Variants in AHCTF1 observed in about 807,000 individuals in gnomAD.
AHCTF1 encodes the protein AT-hook containing transcription factor 1.
AHCTF1 carries 24 observed loss-of-function variants against 248.4 expected under a neutral mutation model. The observed-to-expected ratio is 0.10, with a 90% confidence interval of 0.07 to 0.14. The LOEUF is 0.14. Ranked by LOEUF, AHCTF1 falls within the 10% of genes least tolerant of loss-of-function variation. The pLI, the probability that AHCTF1 is intolerant of heterozygous loss-of-function variation, is 1.00. For missense variants in AHCTF1, 2,206 were observed against 2,636.2 expected (o/e 0.84, Z 3.57); for synonymous variants, 786 against 929.8 (o/e 0.85, Z 2.81).
chr1:246,931,073 C>G (rs1050882995), intron 1 of AHCTF1: 19 of 1,542,154 alleles, frequency 1.2e-5, no homozygotes, highest in Non-Finnish European at 1.5e-5. Context: ...ATCGGGTGAG[C>G]TGGAACCTCA....
intron 26 of AHCTF1, among the ~76,000 whole-genome samples, chr1:246,865,103 A>C (rs1661872476): frequency 1.3e-5 from 2 of 152,316 alleles, no homozygotes; most frequent in Admixed American, 6.5e-5. Flanking sequence ...ATTTAAACTC[A>C]AAAGTCGGGT....
In AHCTF1 at chr1:246,913,316, C is replaced by T. The variant is rs1267299654; in HGVS notation, c.472G>A (p.Val158Met). ...AGGATCTGTCCAACATCAGTGACCA[C>T]AGCTGCCACTCCAAAAAGCCATCGC... ...SLRWLFGVAA[V>M]VTDVGQILLV... Residue 158 changes from valine to methionine, a missense_variant, in exon 4 of 36, where the codon GTG becomes ATG. Coordinates refer to ENST00000648844, the MANE Select transcript of AHCTF1 (RefSeq NM_001323342.2). 5.0e-6 allele frequency: 8 copies of T among 1,613,922 alleles called. No individual in the cohort carries two copies. The highest frequency in any genetic ancestry group is 1.3e-5 in the African/African-American group (1 of 74,920).
chr1:246,923,108 CAAAAAAAAAAAA>C (rs34474643), intron 1 of AHCTF1, among the ~76,000 whole-genome samples: 5 of 111,898 alleles, frequency 4.5e-5, no homozygotes. Context: ...CAAATAATAC[CAAAAAAAAAAAA>C]AAAAAAAAGA....
chr1:246,867,644 C>T lies in AHCTF1; in HGVS notation c.3239+17G>A, dbSNP rs557363641. On this transcript the variant is annotated intron_variant, in intron 25 of 35. Transcript: ENST00000648844. ...ATTAACAAGCAGCATGACTATGAAA[C>T]GTGTAAGAAAACATACCTATTGAAA... The T allele has an allele frequency of 1.9e-5, 30 of 1,608,590 alleles. No homozygotes were observed. Among genetic ancestry groups the T allele is most frequent in the Middle Eastern group, 2.2e-4 (1 of 4,500 alleles).
In AHCTF1 at chr1:246,905,624, A is replaced by G; in HGVS notation, c.798T>C (p.Pro266=). 1 of 1,613,198 alleles carries G rather than the reference A, an allele frequency of 6.2e-7. No individual in the cohort carries two copies. The highest frequency in any genetic ancestry group is 8.5e-7 in the Non-Finnish European group (1 of 1,179,820). ...GTTCTTGAAAAGTGACAGCATATAC[A>G]GGAACTTGTCCACTTTCCAATTGTA... ...YYIQLESGQV[P]VYAVTFQEPE... Residue 266 remains proline (P), a synonymous_variant, in exon 6 of 36, where the codon CCT becomes CCC. Coordinates refer to ENST00000648844, the MANE Select transcript of AHCTF1 (RefSeq NM_001323342.2).
At chr1:246,867,214 G>A (rs1662042436) in intron 26 of AHCTF1, 30 bp downstream of exon 26, 2 of 1,222,006 alleles carry the variant, frequency 1.6e-6, no homozygotes, top group Non-Finnish European at 1.2e-6. Context: ...CTAACATTGT[G>A]TCTCTAAGAA....
intron 28 of AHCTF1, among the ~76,000 whole-genome samples, chr1:246,861,712 G>C (rs930572776): frequency 2.6e-5 from 4 of 152,178 alleles, no homozygotes; most frequent in Non-Finnish European, 4.4e-5. Context: ...CATACATCTA[G>C]CTGACTACAG....
At chr1:246,875,944 A>G in intron 24 of AHCTF1, 93 bp downstream of exon 24, 1 of 1,255,036 alleles carries the variant, frequency 8.0e-7, no homozygotes. Context: ...TGTGTTAGCG[A>G]AAGTAGCTAA....
At chr1:246,886,258 G>A (rs1176944882) in intron 20 of AHCTF1, among the ~76,000 whole-genome samples, 1 of 152,132 alleles carries the variant, frequency 6.6e-6, no homozygotes, top group African/African-American at 2.4e-5. Context: ...TTGAACCCAG[G>A]AGGCACAGGC....
At chr1:246,931,221 G>C (rs1366255819) in intron 1 of AHCTF1, 1 of 1,550,152 alleles carries the variant, frequency 6.5e-7, no homozygotes, top group Non-Finnish European at 8.7e-7. Context: ...CCGCCAACGA[G>C]TCCATCGCGT....
At chr1:246,862,315 C>T (rs1425062250) in intron 27 of AHCTF1, among the ~76,000 whole-genome samples, 162 bp from the exon 28 acceptor site, 5 of 152,078 alleles carry the variant, frequency 3.3e-5, no homozygotes, top group Non-Finnish European at 5.9e-5. Flanking sequence ...CCCGTCTCTA[C>T]TAAAAATACA....
intron 3 of AHCTF1, among the ~76,000 whole-genome samples, chr1:246,914,630 A>T (rs987463053): frequency 2.6e-5 from 4 of 152,234 alleles, no homozygotes; most frequent in African/African-American, 9.6e-5. Flanking sequence ...AGTGATTAAT[A>T]CTATTACCTT....
In AHCTF1 at chr1:246,918,300, C is replaced by T. The variant is rs1185618444; in HGVS notation, c.71G>A (p.Gly24Glu). Residue 24 changes from glycine (G) to glutamate (E), a missense_variant, in exon 2 of 36, where the codon GGA (glycine) becomes GAA (glutamate). This residue lies in a region of AHCTF1 where 69 missense variants were observed against 85.4 expected (regional missense o/e 0.81). Transcript: ENST00000648844. ...AGATTCTAATGTTATTTCGTCTTCT[C>T]CAAGGGCTTGAAGAGTCACTTCTGG... is the stretch of plus-strand genomic sequence containing the variant. Reference protein sequence around the residue: ...PFPEVTLQALGEDEITLESVL... With the variant: ...PFPEVTLQALEEDEITLESVL... 3 of 1,612,548 alleles carry T rather than the reference C, an allele frequency of 1.9e-6. No individual in the cohort carries two copies. Among genetic ancestry groups the T allele is most frequent in the Non-Finnish European group, 2.5e-6 (3 of 1,179,732 alleles).
chr1:246,899,440 T>G lies in AHCTF1; in HGVS notation c.1494+11A>C. ...TTCAGTTCAATTAAGAAATCACTAG[T>G]TGTTACCTACCTCCTTCTGAAAGCC... On this transcript the variant is annotated intron_variant, in intron 11 of 35. Transcript: ENST00000648844. The G allele has an allele frequency of 6.3e-7, 1 of 1,597,266 alleles. No individual in the cohort carries two copies. Among genetic ancestry groups the G allele is most frequent in the East Asian group, 2.3e-5 (1 of 44,284 alleles).
chr1:246,851,263 T>C lies in AHCTF1; in HGVS notation c.4743A>G (p.Val1581=). The change falls in exon 33 of 36, where the codon GTA becomes GTG. Residue 1581 remains valine, a synonymous_variant. Coordinates refer to ENST00000648844, the MANE Select transcript of AHCTF1 (RefSeq NM_001323342.2). ...TTTGAGCCACAAAAAGTTCCCCATC[T>C]ACTTCAGCAATGTCACATTCAGCAG... The part of the protein sequence containing the change: ...KDTAECDIAE[V]DGELFVAQSN... 2 of 1,613,994 alleles carry C rather than the reference T, an allele frequency of 1.2e-6. No homozygotes were observed. Among genetic ancestry groups the C allele is most frequent in the Non-Finnish European group, 8.5e-7 (1 of 1,179,862 alleles).
chr1:246,877,181 A>T lies in AHCTF1; in HGVS notation c.2782T>A (p.Leu928Ile), dbSNP rs147355371. ...EMGLMEDLLK[L>I]PFTDTEQECL... Reference sequence around the variant, plus strand: ...ACCTGCTCAGTGTCTGTAAATGGTAACTTCAGTAAATCTTCCATCAAGCCC... The same window carrying T: ...ACCTGCTCAGTGTCTGTAAATGGTATCTTCAGTAAATCTTCCATCAAGCCC... Residue 928 changes from leucine (L) to isoleucine (I), a missense_variant, in exon 22 of 36, where the codon TTA (leucine) becomes ATA (isoleucine). Leu to Ile is a conservative substitution (Grantham distance 5). Around this residue, in one of 6 missense-constraint regions of AHCTF1, gnomAD observed 955 missense variants for 1,055.6 expected, o/e 0.90. Coordinates refer to ENST00000648844, the MANE Select transcript of AHCTF1 (RefSeq NM_001323342.2). 1 of 1,612,770 alleles carries T rather than the reference A, an allele frequency of 6.2e-7. No individual in the cohort carries two copies. Among genetic ancestry groups the T allele is most frequent in the South Asian group, 1.1e-5 (1 of 90,936 alleles).
chr1:246,914,451 A>G (rs191539806), intron 3 of AHCTF1, among the ~76,000 whole-genome samples: 42 of 152,348 alleles, frequency 2.8e-4, no homozygotes, highest in African/African-American at 8.2e-4. Context: ...CTCTTTCTCT[A>G]TATCAGTATA....
At chr1:246,907,929 C>T (rs1291541420) in intron 4 of AHCTF1, among the ~76,000 whole-genome samples, 171 bp from the exon 5 acceptor site, 1 of 152,084 alleles carries the variant, frequency 6.6e-6, no homozygotes, top group Non-Finnish European at 1.5e-5. Flanking sequence ...AATTGCCATC[C>T]TTATCTATTT....
In AHCTF1 at chr1:246,840,959, T is replaced by A; in HGVS notation, c.6648A>T (p.Ile2216=). 3.1e-6 allele frequency: 5 copies of A among 1,612,060 alleles called. No homozygotes were observed. In the African/African-American group the frequency reaches 6.7e-5, roughly 22 times the overall value. The change falls in exon 36 of 36, where the codon ATA becomes ATT. Residue 2216 remains isoleucine (I), a synonymous_variant. Transcript: ENST00000648844. ...EKESAWSPPP[I]EIRLISPLAS... Reference sequence around the variant, plus strand: ...CCAAGGGGGAAATCAGCCGAATTTCTATGGGAGGAGGTGACCAAGCACTTT... The same window carrying A: ...CCAAGGGGGAAATCAGCCGAATTTCAATGGGAGGAGGTGACCAAGCACTTT...
Sources: allele counts gnomAD v4.1 joint callset (sites outside exome capture counted in the v4.1 genomes callset), GRCh38; gene constraint gnomAD v4.1.1; regional missense constraint gnomAD v4.1.1; transcripts MANE v1.5; gene names NCBI Gene and HGNC (gene_info 2026-07-23, HGNC 2026-07-21).